APBA2: variants seen among roughly 807,000 people sequenced by gnomAD.
APBA2 encodes the protein amyloid beta precursor protein binding family A member 2.
APBA2 carries 30 observed loss-of-function variants against 75.0 expected under a neutral mutation model. The ratio of observed to expected loss-of-function variants is 0.40; its 90% CI spans 0.30 to 0.54. The LOEUF is 0.54. Among genes scored for constraint, APBA2 ranks in the 20% least tolerant of loss-of-function variants. The probability of loss-of-function intolerance (pLI) is 0.49; values close to 1 mark genes in which losing one functional copy is unlikely to be tolerated. For synonymous variants in APBA2, 444 were observed against 409.6 expected, an observed-to-expected ratio of 1.08 and a Z score of -1.01; for missense variants, 801 against 1,016.1, an observed-to-expected ratio of 0.79 and a Z score of 2.88.
At chr15:29,066,448 C>A (rs1424127713) in intron 4 of APBA2, among the ~76,000 whole-genome samples, 1 of 152,188 alleles carries the variant, frequency 6.6e-6, no homozygotes, top group African/African-American at 2.4e-5. Context: ...TGCAATGAGC[C>A]AGTCACAAAA....
At chr15:29,074,418 A>G (rs1031060919) in intron 4 of APBA2, among the ~76,000 whole-genome samples, 5 of 151,996 alleles carry the variant, frequency 3.3e-5, no homozygotes, top group Admixed American at 1.3e-4. Context: ...CTGCTTAATC[A>G]CTCCACTTAC....
At chr15:29,064,747 G>A (rs1474505391) in intron 4 of APBA2, among the ~76,000 whole-genome samples, 3 of 152,168 alleles carry the variant, frequency 2.0e-5, no homozygotes, top group East Asian at 3.9e-4. Context: ...TCCACTGGGG[G>A]CATGGAGGGG....
chr15:28,903,086 G>A (rs1595421037), intron 1 of APBA2, among the ~76,000 whole-genome samples: 1 of 152,164 alleles, frequency 6.6e-6, no homozygotes, highest in Non-Finnish European at 1.5e-5. Flanking sequence ...ACGTCCTGTG[G>A]CCCAGTTCAC....
At chr15:28,901,360 G>A (rs2032841686) in intron 1 of APBA2, among the ~76,000 whole-genome samples, 1 of 152,036 alleles carries the variant, frequency 6.6e-6, no homozygotes, top group African/African-American at 2.4e-5. Context: ...TCCAGTGGGA[G>A]CCAGCGTGGC....
chr15:29,023,817 T>C (rs890687037), intron 3 of APBA2, among the ~76,000 whole-genome samples: 4 of 152,098 alleles, frequency 2.6e-5, no homozygotes, highest in Admixed American at 6.5e-5. Context: ...GAGAAAAAAG[T>C]ATAATAAACA....
intron 2 of APBA2, among the ~76,000 whole-genome samples, chr15:28,971,259 C>A (rs955093688): frequency 6.6e-6 from 1 of 151,952 alleles, no homozygotes; most frequent in Non-Finnish European, 1.5e-5. Context: ...GGGATCCCTG[C>A]AAGATAACAG....
intron 3 of APBA2, among the ~76,000 whole-genome samples, chr15:29,047,021 T>A (rs1348363581): frequency 6.6e-6 from 1 of 152,204 alleles, no homozygotes; most frequent in Non-Finnish European, 1.5e-5. Flanking sequence ...CTTCTTTAAC[T>A]CGCTTCAAGC....
Position 29,046,298 on chromosome 15 carries a change from C to T in APBA2, c.-40-7547C>T, listed in dbSNP as rs771125526. ...CACTTGTTTCTACCTACGTTTTTGC[C>T]CACCTTTCCTTCTCACCTCCCCTTG... On this transcript the variant is annotated intron_variant, in intron 3 of 14. Coordinates refer to ENST00000683413, the MANE Select transcript of APBA2 (RefSeq NM_001353788.2). This position sits in a 1 kb window ranked among gnomAD's most constrained non-coding sequence, Gnocchi z 5.0. Among the ~76,000 whole-genome samples the T allele has an allele frequency of 6.6e-6, 1 of 152,124 alleles. No homozygotes were observed. Among genetic ancestry groups the T allele is most frequent in the South Asian group, 2.1e-4 (1 of 4,824 alleles).
chr15:28,902,353 C>T (rs774346122), intron 1 of APBA2, among the ~76,000 whole-genome samples: 2 of 152,130 alleles, frequency 1.3e-5, no homozygotes, highest in Admixed American at 6.5e-5. Flanking sequence ...AGTTGAGGGG[C>T]ATTCTACAAA....
At position 29,053,992 on chromosome 15, in the gene APBA2, G is replaced by A; in HGVS notation, c.108G>A (p.Leu36=). 6.2e-7 allele frequency: 1 copy of A among 1,614,006 alleles called. No individual in the cohort carries two copies. The highest frequency in any genetic ancestry group is 8.5e-7 in the Non-Finnish European group (1 of 1,180,012). ...AGCCCGAGAGCGAGGACATGGAGCT[G>A]CCCTTGGAGGGCTATGTGCCCGAGG... ...SQEPESEDME[L]PLEGYVPEGL... The change falls in exon 4 of 15, where the codon CTG becomes CTA. Residue 36 remains leucine, a synonymous_variant. Transcript: ENST00000683413.
In APBA2 at chr15:28,888,691, C is replaced by A. The variant is rs1359219909; in HGVS notation, c.-205+2413C>A. On this transcript the variant is annotated intron_variant, in intron 1 of 14. Transcript: ENST00000683413. ...ATGTCTTCGGCAGAGATCACATGCC[C>A]TGCCTTGCAGCCTGGTCCTTAGAGA... Among the ~76,000 whole-genome samples the A allele has an allele frequency of 5.3e-5, 8 of 152,214 alleles. No individual in the cohort carries two copies. The East Asian group carries it at 1.5e-3, about 29-fold the overall frequency.
At chr15:29,084,978 A>G (rs771601523) in intron 6 of APBA2, among the ~76,000 whole-genome samples, 6 of 152,142 alleles carry the variant, frequency 3.9e-5, no homozygotes, top group Admixed American at 1.3e-4. Flanking sequence ...GTGTTGTTCT[A>G]TTGAGGCACA....
intron 2 of APBA2, chr15:28,990,716 A>G (rs1436107263): frequency 1.3e-5 from 2 of 152,148 alleles, no homozygotes; most frequent in South Asian, 2.1e-4. Context: ...GAGTCTCCCA[A>G]TTCAAATCTG....
At chr15:29,100,685 T>C (rs550166613) in intron 9 of APBA2, among the ~76,000 whole-genome samples, 1 of 152,338 alleles carries the variant, frequency 6.6e-6, no homozygotes, top group South Asian at 2.1e-4. Context: ...ATGACAAACA[T>C]TGGCCTTGAT....
intron 3 of APBA2, among the ~76,000 whole-genome samples, chr15:29,002,953 G>A (rs530539910): frequency 6.6e-6 from 1 of 152,244 alleles, no homozygotes; most frequent in Admixed American, 6.5e-5. Context: ...GGGAAGACGG[G>A]CGTTCCAGGC....
intron 1 of APBA2, among the ~76,000 whole-genome samples, chr15:28,893,447 G>T (rs1364647232): frequency 6.6e-6 from 1 of 152,204 alleles, no homozygotes; most frequent in East Asian, 1.9e-4. Context: ...TTTGGCCGCA[G>T]GTCCCTGCAC....
At chr15:28,915,251 AC>A (rs2152657925) in intron 1 of APBA2, among the ~76,000 whole-genome samples, 8 of 151,980 alleles carry the variant, frequency 5.3e-5, no homozygotes, top group East Asian at 3.9e-4. Context: ...TATACCACAC[AC>A]CACACACATA....
chr15:28,922,661 C>T (rs1401914479), intron 2 of APBA2, among the ~76,000 whole-genome samples: 1 of 152,176 alleles, frequency 6.6e-6, no homozygotes, highest in African/African-American at 2.4e-5. Flanking sequence ...CCTGCTCCCA[C>T]TGGCCTCCCC....
intron 1 of APBA2, among the ~76,000 whole-genome samples, chr15:28,888,846 G>A (rs1424225482): frequency 1.3e-5 from 2 of 152,186 alleles, no homozygotes; most frequent in African/African-American, 4.8e-5. Context: ...GACTGGGAAC[G>A]TGGAGGCACA....
Sources: allele counts gnomAD v4.1 joint callset (sites outside exome capture counted in the v4.1 genomes callset), GRCh38; gene constraint gnomAD v4.1.1; non-coding constraint Gnocchi (gnomAD v3.1); transcripts MANE v1.5; gene names NCBI Gene and HGNC (gene_info 2026-07-23, HGNC 2026-07-21).